Variants in SLC25A36 observed in about 807,000 individuals in gnomAD.
The protein encoded by SLC25A36 is epididymis secretory sperm binding protein.
A neutral mutation model predicts 35.3 loss-of-function variants in SLC25A36; 24 were observed. That is an observed-to-expected ratio of 0.68 (90% CI 0.49 to 0.96). The LOEUF is 0.96. Ranked by LOEUF, SLC25A36 falls within the 40% of genes least tolerant of loss-of-function variation. The probability of loss-of-function intolerance (pLI) is 0.00; values close to 1 mark genes in which losing one functional copy is unlikely to be tolerated. For synonymous variants in SLC25A36, 141 were observed against 132.2 expected (o/e 1.07, Z -0.46); for missense variants, 294 against 381.1 (o/e 0.77, Z 1.90).
rs1237311258 is a variant in SLC25A36, at chr3:140,959,488, C to G, written c.232C>G (p.Arg78Gly). ...LKVILEKEGP[R>G]SLFRGLGPNL... ...GGTGATCTTGGAAAAAGAAGGGCCTCGTTCCTTGTTTAGAGGACTAGGCCC... is the reference window on the plus strand; with the variant it reads ...GGTGATCTTGGAAAAAGAAGGGCCTGGTTCCTTGTTTAGAGGACTAGGCCC... The change falls in exon 3 of 7, where the codon CGT (arginine) becomes GGT (glycine). Residue 78 changes from arginine (R) to glycine (G), a missense_variant. Arg to Gly is a moderately radical substitution (Grantham distance 125). This residue lies in a region of SLC25A36 where 185 missense variants were observed against 201.5 expected (regional missense o/e 0.92). Coordinates refer to ENST00000324194, the MANE Select transcript of SLC25A36 (RefSeq NM_001104647.3). 1.3e-6 allele frequency: 2 copies of G among 1,519,792 alleles called. No homozygotes were observed. Among genetic ancestry groups the G allele is most frequent in the East Asian group, 5.1e-5 (2 of 39,368 alleles). 94.1% of individuals were successfully genotyped at this position (1,519,792 alleles called of 1,614,324 possible).
At chr3:140,964,403 A>G (rs931219631) in intron 4 of SLC25A36, 1 of 151,984 alleles carries the variant, frequency 6.6e-6, no homozygotes, top group Non-Finnish European at 1.5e-5. Context: ...TATGTAATTT[A>G]TGTGAACCTC....
At chr3:140,954,055 C>G (rs1390582105) in intron 1 of SLC25A36, among the ~76,000 whole-genome samples, 1 of 152,198 alleles carries the variant, frequency 6.6e-6, no homozygotes, top group Non-Finnish European at 1.5e-5. Flanking sequence ...TCTTCCCTCT[C>G]CTCTACCCCT....
intron 4 of SLC25A36, chr3:140,968,737 C>G: frequency 1.0e-6 from 1 of 977,076 alleles, no homozygotes; most frequent in African/African-American, 1.8e-5. Flanking sequence ...TTGGGTACTG[C>G]TTAAAATTTA....
In SLC25A36 at chr3:140,978,181, A is replaced by T. The variant is rs145830840; in HGVS notation, c.*1728A>T. 2.0e-5 allele frequency: 3 copies of T among 152,244 alleles called. No individual in the cohort carries two copies. The East Asian group carries it at 5.8e-4, about 29-fold the overall frequency. The allele number at this position is 152,244 out of a possible 1,614,324, so 9.4% of individuals were successfully genotyped here. ...CTTCCTTGTGATCAACAGTAACTGG[A>T]TGTTTTTGAGGTGCTCAATTGGAAT... On this transcript the variant is annotated 3_prime_UTR_variant, in exon 7 of 7. Coordinates refer to ENST00000324194, the MANE Select transcript of SLC25A36 (RefSeq NM_001104647.3).
At chr3:140,974,140 C>A in intron 6 of SLC25A36, 135 bp downstream of exon 6, 1 of 619,236 alleles carries the variant, frequency 1.6e-6, no homozygotes. Context: ...GAGATTAAAT[C>A]TGGTTAAGTA....
At position 140,979,298 on chromosome 3, in the gene SLC25A36, A is replaced by G. The variant is rs186711703; in HGVS notation, c.*2845A>G. The G allele has an allele frequency of 6.6e-6, 1 of 152,202 alleles. No homozygotes were observed. The highest frequency in any genetic ancestry group is 2.4e-5 in the African/African-American group (1 of 41,472). The allele number at this position is 152,202 out of a possible 1,614,324, so 9.4% of individuals were successfully genotyped here. The stretch of plus-strand genomic sequence containing the variant: ...TCTATTACTGGGTTACAGACATTTC[A>G]GCATTTTTAGGTTGGTTTTAAATCA... On this transcript the variant is annotated 3_prime_UTR_variant, in exon 7 of 7. Coordinates refer to ENST00000324194, the MANE Select transcript of SLC25A36 (RefSeq NM_001104647.3).
Position 140,942,919 on chromosome 3 carries a change from T to C in SLC25A36, c.41+824T>C, listed in dbSNP as rs372496488. 6.6e-5 allele frequency among the ~76,000 whole-genome samples: 10 copies of C among 152,312 alleles called. No individual in the cohort carries two copies. In the East Asian group the frequency reaches 1.5e-3, roughly 24 times the overall value. ...GAAAACCACCCCTCTTGAACACCGC[T>C]TGCTTTTCTGCTGCTTAGGAGAAAG... is the stretch of plus-strand genomic sequence containing the variant. On this transcript the variant is annotated intron_variant, in intron 1 of 6. Transcript: ENST00000324194.
chr3:140,975,912 T>C (rs1223850293), intron 6 of SLC25A36, among the ~76,000 whole-genome samples: 1 of 152,208 alleles, frequency 6.6e-6, no homozygotes, highest in Non-Finnish European at 1.5e-5. Flanking sequence ...ATCCTTTTTA[T>C]ATTCATCCTG....
rs1417490751 is a variant in SLC25A36 at position 140,976,935 on chromosome 3, T to C, written c.*482T>C. On this transcript the variant is annotated 3_prime_UTR_variant, in exon 7 of 7. Coordinates refer to ENST00000324194, the MANE Select transcript of SLC25A36 (RefSeq NM_001104647.3). ...CCCTGAGAGGACCTGGCACAATATT[T>C]TAAATTTAATTATTTGGCAGTAGTC... The C allele has an allele frequency of 6.6e-6, 1 of 152,256 alleles. No individual in the cohort carries two copies. Among genetic ancestry groups the C allele is most frequent in the Non-Finnish European group, 1.5e-5 (1 of 68,056 alleles). 9.4% of individuals were successfully genotyped at this position (152,256 alleles called of 1,614,324 possible).
Position 140,959,482 on chromosome 3 carries a change from G to T in SLC25A36, c.226G>T (p.Gly76Trp). Reference sequence around the variant, plus strand: ...TTTCAGGGTGATCTTGGAAAAAGAAGGGCCTCGTTCCTTGTTTAGAGGACT... The same window carrying T: ...TTTCAGGGTGATCTTGGAAAAAGAATGGCCTCGTTCCTTGTTTAGAGGACT... ...HCLKVILEKE[G>W]PRSLFRGLGP... is the part of the protein sequence containing the mutation. The change falls in exon 3 of 7, where the codon GGG becomes TGG. Residue 76 changes from glycine (G) to tryptophan (W), a missense_variant. By Grantham distance (184) the Gly-to-Trp change is radical. Around this residue, in one of 2 missense-constraint regions of SLC25A36, gnomAD observed 185 missense variants for 201.5 expected, o/e 0.92. Transcript: ENST00000324194. 6.6e-7 allele frequency: 1 copy of T among 1,522,492 alleles called. No individual in the cohort carries two copies. Among genetic ancestry groups the T allele is most frequent in the Non-Finnish European group, 8.7e-7 (1 of 1,143,224 alleles). The allele number at this position is 1,522,492 out of a possible 1,614,324, so 94.3% of individuals were successfully genotyped here. A position where few individuals can be genotyped will look rare whatever the true frequency, so the allele number is the denominator to read the frequency against.
chr3:140,949,895 C>T (rs1559810298), intron 1 of SLC25A36, among the ~76,000 whole-genome samples: 3 of 152,154 alleles, frequency 2.0e-5, no homozygotes, highest in African/African-American at 2.4e-5. Flanking sequence ...TTACATTAGC[C>T]ACACCTTGCA....
At chr3:140,966,235 TA>T (rs1266115676) in intron 4 of SLC25A36, 1 of 164,792 alleles carries the variant, frequency 6.1e-6, no homozygotes, top group African/African-American at 2.4e-5. Flanking sequence ...ATTTATGAAA[TA>T]TTTTTTAAAA....
At position 140,975,809 on chromosome 3, in the gene SLC25A36, C is replaced by G. The variant is rs549640639; in HGVS notation, c.743-451C>G. ...CTTTGTCCACATGATGTTTCACATT[C>G]ATATATGTGGACTGTTTTGAATAGA... On this transcript the variant is annotated intron_variant, in intron 6 of 6. Transcript: ENST00000324194. Among the ~76,000 whole-genome samples, 3 of 152,316 alleles carry G rather than the reference C, an allele frequency of 2.0e-5. No homozygotes were observed. In the South Asian group the frequency reaches 6.2e-4, roughly 32 times the overall value.
At chr3:140,958,503 T>C (rs1277923061) in intron 2 of SLC25A36, among the ~76,000 whole-genome samples, 1 of 152,224 alleles carries the variant, frequency 6.6e-6, no homozygotes, top group Non-Finnish European at 1.5e-5. Context: ...TTTTTCTATC[T>C]ACTTACTTTT....
At chr3:140,964,496 G>C (rs183933609) in intron 4 of SLC25A36, 2 of 152,006 alleles carry the variant, frequency 1.3e-5, no homozygotes, top group South Asian at 2.1e-4. Flanking sequence ...GTGTTATAGA[G>C]ATTATCTTGT....
In SLC25A36 at chr3:140,963,157, C is replaced by T; in HGVS notation, c.315C>T (p.Cys105=). The change falls in exon 4 of 7, where the codon TGC becomes TGT. Residue 105 remains cysteine (C), a synonymous_variant. Coordinates refer to ENST00000324194, the MANE Select transcript of SLC25A36 (RefSeq NM_001104647.3). ...TATACTTTGCTGCTTATTCAAACTG[C>T]AAGGAAAAGTTGAATGATGTATTTG... ...RAIYFAAYSN[C]KEKLNDVFDP... is the part of the protein sequence containing the mutation. 6.3e-7 allele frequency: 1 copy of T among 1,587,396 alleles called. No homozygotes were observed. The highest frequency in any genetic ancestry group is 1.4e-5 in the African/African-American group (1 of 72,914).
chr3:140,969,103 C>T (rs1051756719), intron 4 of SLC25A36, among the ~76,000 whole-genome samples: 3 of 151,602 alleles, frequency 2.0e-5, no homozygotes, highest in African/African-American at 7.3e-5. Context: ...GGAGTTTGAC[C>T]AGAATATTGA....
At chr3:140,967,508 T>G (rs1934792453) in intron 4 of SLC25A36, among the ~76,000 whole-genome samples, 1 of 151,982 alleles carries the variant, frequency 6.6e-6, no homozygotes, top group Non-Finnish European at 1.5e-5. Context: ...GGATCTTAGC[T>G]GTTTTAGTTT....
At chr3:140,974,916 CTAA>C (rs1351248396) in intron 6 of SLC25A36, among the ~76,000 whole-genome samples, 8 of 151,934 alleles carry the variant, frequency 5.3e-5, no homozygotes, top group African/African-American at 1.7e-4. Context: ...CCTGACTTTT[CTAA>C]AAGAAGTCAA....
Sources: allele counts gnomAD v4.1 joint callset (sites outside exome capture counted in the v4.1 genomes callset), GRCh38; gene constraint gnomAD v4.1.1; regional missense constraint gnomAD v4.1.1; transcripts MANE v1.5; gene names NCBI Gene and HGNC (gene_info 2026-07-23, HGNC 2026-07-21).